Variants in LHX5 observed in about 807,000 individuals in gnomAD.
The protein encoded by LHX5 is LIM/homeobox protein Lhx5.
LHX5 carries 5 observed loss-of-function variants against 30.6 expected under a neutral mutation model. That is an observed-to-expected ratio of 0.16 (90% confidence interval 0.09 to 0.34). The LOEUF is 0.34. Ranked by LOEUF, LHX5 falls within the 10% of genes least tolerant of loss-of-function variation. The pLI, the probability that LHX5 is intolerant of heterozygous loss-of-function variation, is 1.00. For synonymous variants in LHX5, 266 were observed against 252.6 expected, an observed-to-expected ratio of 1.05 and a Z score of -0.50; for missense variants, 458 against 570.6, an observed-to-expected ratio of 0.80 and a Z score of 2.01.
rs1958217628 is a variant in LHX5, at chr12:113,466,780, C to T, written c.841+476G>A. Among the ~76,000 whole-genome samples, 1 of 152,148 alleles carries T rather than the reference C, an allele frequency of 6.6e-6. No individual in the cohort carries two copies. The highest frequency in any genetic ancestry group is 1.5e-5 in the Non-Finnish European group (1 of 68,026). On this transcript the variant is annotated intron_variant, in intron 4 of 4. Coordinates refer to ENST00000261731, the MANE Select transcript of LHX5 (RefSeq NM_022363.3). This position sits in a 1 kb window ranked among gnomAD's most constrained non-coding sequence, Gnocchi z 6.5. ...CTCGGAATCCACCTCATGCCAAGTACACCAGGCACAGGGCGGCAGGAAGGC... is the reference window on the plus strand; with the variant it reads ...CTCGGAATCCACCTCATGCCAAGTATACCAGGCACAGGGCGGCAGGAAGGC...
At chr12:113,470,872 C>T (rs1176361987) in intron 1 of LHX5, among the ~76,000 whole-genome samples, 1 of 152,246 alleles carries the variant, frequency 6.6e-6, no homozygotes, top group Non-Finnish European at 1.5e-5. Context: ...GCTGGGCCCC[C>T]TCTGGAGCTG....
Position 113,463,626 on chromosome 12 carries a change from C to G in LHX5, c.842-69G>C, listed in dbSNP as rs35800617. 5 of 1,439,476 alleles carry G rather than the reference C, an allele frequency of 3.5e-6. No homozygotes were observed. The highest frequency in any genetic ancestry group is 1.5e-5 in the African/African-American group (1 of 68,502). 89.2% of individuals were successfully genotyped at this position (1,439,476 alleles called of 1,614,324 possible). A position where few individuals can be genotyped will look rare whatever the true frequency, so the allele number is the denominator to read the frequency against. On this transcript the variant is annotated intron_variant, in intron 4 of 4. Coordinates refer to ENST00000261731, the MANE Select transcript of LHX5 (RefSeq NM_022363.3). This position sits in a 1 kb window ranked among gnomAD's most constrained non-coding sequence, Gnocchi z 6.7. ...GGCGAAGTAGGCGGGGGACCCGGGA[C>G]CCGGGGAGGGGACCCGGGCGGGCGA...
In LHX5 at chr12:113,469,315, C is replaced by G. The variant is rs1035329225; in HGVS notation, c.204G>C (p.Ala68=). ...CCAGGTCGCTGGGCGAGATGCCTTG[C>G]GCGCAGCCGGCGCATTTCGTGCCAA... is the stretch of plus-strand genomic sequence containing the variant. ...RRFGTKCAGC[A]QGISPSDLVR... Residue 68 remains alanine, a synonymous_variant, in exon 2 of 5, where the codon GCG becomes GCC. Coordinates refer to ENST00000261731, the MANE Select transcript of LHX5 (RefSeq NM_022363.3). The G allele has an allele frequency of 6.2e-7, 1 of 1,613,694 alleles. No homozygotes were observed. Among genetic ancestry groups the G allele is most frequent in the Non-Finnish European group, 8.5e-7 (1 of 1,180,012 alleles).
At position 113,463,290 on chromosome 12, in the gene LHX5, C is replaced by T; in HGVS notation, c.1109G>A (p.Ser370Asn). 6.5e-7 allele frequency: 1 copy of T among 1,529,196 alleles called. No individual in the cohort carries two copies. The highest frequency in any genetic ancestry group is 8.8e-7 in the Non-Finnish European group (1 of 1,141,310). The allele number at this position is 1,529,196 out of a possible 1,614,324, so 94.7% of individuals were successfully genotyped here. ...TGGGAAGGGCGGGCTGGGCCCGCCG[C>T]TGAATACCTCGCCGGGCATGGGGTG... The part of the protein sequence containing the change: ...TLHPMPGEVF[S>N]GGPSPPFPMS... The change falls in exon 5 of 5, where the codon AGC becomes AAC. Residue 370 changes from serine (S) to asparagine (N), a missense_variant. Transcript: ENST00000261731. The surrounding 1 kb of genome is among the most constrained non-coding windows in gnomAD (Gnocchi z 6.7).
rs1276510367 is a variant in LHX5, at chr12:113,466,547, A to T, written c.841+709T>A. On this transcript the variant is annotated intron_variant, in intron 4 of 4. Transcript: ENST00000261731. The surrounding 1 kb of genome is among the most constrained non-coding windows in gnomAD (Gnocchi z 6.5). ...GGGTTGGCCCAACACTTGTGCCCCC[A>T]GTCTGTAGGAACCCCAGGGGTCTCG... Among the ~76,000 whole-genome samples the T allele has an allele frequency of 6.6e-6, 1 of 152,130 alleles. No individual in the cohort carries two copies. Among genetic ancestry groups the T allele is most frequent in the Non-Finnish European group, 1.5e-5 (1 of 68,004 alleles).
intron 2 of LHX5, among the ~76,000 whole-genome samples, chr12:113,468,697 T>C (rs1424484102): frequency 6.6e-6 from 1 of 152,212 alleles, no homozygotes; most frequent in South Asian, 2.1e-4. Context: ...ACTCCCACTT[T>C]CAAGGAGAGG....
At position 113,467,238 on chromosome 12, in the gene LHX5, TC is replaced by T; in HGVS notation, c.841+17del. ...AATAGGACAGGTGCGGAACAGCGAA[TC>T]CCGGGGCGCCCCTTACCTCCGTAGT... On this transcript the variant is annotated intron_variant, in intron 4 of 4. Transcript: ENST00000261731. This position sits in a 1 kb window ranked among gnomAD's most constrained non-coding sequence, Gnocchi z 6.3. The T allele has an allele frequency of 7.0e-7, 1 of 1,431,268 alleles. No individual in the cohort carries two copies. The allele number at this position is 1,431,268 out of a possible 1,614,324, so 88.7% of individuals were successfully genotyped here. A position where few individuals can be genotyped will look rare whatever the true frequency, so the allele number is the denominator to read the frequency against.
intron 2 of LHX5, among the ~76,000 whole-genome samples, chr12:113,468,635 G>T (rs922418732): frequency 6.6e-6 from 1 of 152,320 alleles, no homozygotes; most frequent in South Asian, 2.1e-4. Flanking sequence ...CCCTCTCCGC[G>T]CGTCTCAGCT....
rs149208122 is a variant in LHX5 at position 113,463,961 on chromosome 12, G to A, written c.842-404C>T. Among the ~76,000 whole-genome samples the A allele has an allele frequency of 7.5e-3, 1,135 of 152,252 alleles. 11 individuals carry two copies. Among genetic ancestry groups the A allele is most frequent in the African/African-American group, 0.026 (1,065 of 41,546 alleles). Reference sequence around the variant, plus strand: ...AATGATTCCTAAGTGTCTTAGGGTCGGTGAGAGACACAGAGATGCGGGACA... The same window carrying A: ...AATGATTCCTAAGTGTCTTAGGGTCAGTGAGAGACACAGAGATGCGGGACA... On this transcript the variant is annotated intron_variant, in intron 4 of 4. Transcript: ENST00000261731. The surrounding 1 kb of genome is among the most constrained non-coding windows in gnomAD (Gnocchi z 6.7).
intron 1 of LHX5, among the ~76,000 whole-genome samples, chr12:113,469,844 C>T (rs1375350098): frequency 2.0e-5 from 3 of 152,236 alleles, no homozygotes; most frequent in Non-Finnish European, 2.9e-5. Flanking sequence ...GGGAGCCCTT[C>T]TCCTAGGCTG....
At position 113,463,143 on chromosome 12, in the gene LHX5, C is replaced by CGGGGCGGGGCCCCCGGGGGCCG; in HGVS notation, c.*25_*46dup. On this transcript the variant is annotated 3_prime_UTR_variant, in exon 5 of 5. Coordinates refer to ENST00000261731, the MANE Select transcript of LHX5 (RefSeq NM_022363.3). This position sits in a 1 kb window ranked among gnomAD's most constrained non-coding sequence, Gnocchi z 6.7. ...GCGTTTTGGTTTCAGGAGGCTGCTT[C>CGGGGCGGGGCCCCCGGGGGCCG]GGGGCGGGGCCCCCGGGGGCCGAGC... 1 of 1,441,890 alleles carries CGGGGCGGGGCCCCCGGGGGCCG rather than the reference C, an allele frequency of 6.9e-7. No individual in the cohort carries two copies. The highest frequency in any genetic ancestry group is 9.0e-7 in the Non-Finnish European group (1 of 1,105,380). 89.3% of individuals were successfully genotyped at this position (1,441,890 alleles called of 1,614,324 possible).
Position 113,471,666 on chromosome 12 carries a change from G to C in LHX5, c.-168C>G. The C allele has an allele frequency of 3.0e-6, 2 of 663,456 alleles. No individual in the cohort carries two copies. Among genetic ancestry groups the C allele is most frequent in the Non-Finnish European group, 4.9e-6 (2 of 407,860 alleles). 41.1% of individuals were successfully genotyped at this position (663,456 alleles called of 1,614,324 possible). A position where few individuals can be genotyped will look rare whatever the true frequency, so the allele number is the denominator to read the frequency against. ...CAGTCCTTGGGCAATCTCTGGCCTG[G>C]CGCTGGGCTGCCCGGAGTGGGGTGG... On this transcript the variant is annotated 5_prime_UTR_variant, in exon 1 of 5. Transcript: ENST00000261731.
intron 1 of LHX5, among the ~76,000 whole-genome samples, chr12:113,470,316 G>T (rs996771231): frequency 5.9e-5 from 9 of 152,170 alleles, no homozygotes; most frequent in African/African-American, 2.2e-4. Flanking sequence ...GGCATTAGAA[G>T]CCATAAGTCA....
At chr12:113,469,398 C>T in intron 1 of LHX5, 53 bp from the exon 2 acceptor site, 1 of 1,540,194 alleles carries the variant, frequency 6.5e-7, no homozygotes, top group South Asian at 1.2e-5. Flanking sequence ...CCAGCCCTCC[C>T]CAGCCCCTGA....
In LHX5 at chr12:113,463,160, G is replaced by A; in HGVS notation, c.*30C>T. The A allele has an allele frequency of 6.8e-7, 1 of 1,471,850 alleles. No individual in the cohort carries two copies. The highest frequency in any genetic ancestry group is 1.3e-5 in the South Asian group (1 of 75,924). 91.2% of individuals were successfully genotyped at this position (1,471,850 alleles called of 1,614,324 possible). A position where few individuals can be genotyped will look rare whatever the true frequency, so the allele number is the denominator to read the frequency against. On this transcript the variant is annotated 3_prime_UTR_variant, in exon 5 of 5. Coordinates refer to ENST00000261731, the MANE Select transcript of LHX5 (RefSeq NM_022363.3). The surrounding 1 kb of genome is among the most constrained non-coding windows in gnomAD (Gnocchi z 6.7). ...GGCTGCTTCGGGGCGGGGCCCCCGG[G>A]GGCCGAGCGCGGGGGGCGGCCCGGC...
At position 113,467,748 on chromosome 12, in the gene LHX5, C is replaced by T. The variant is rs1489459757; in HGVS notation, c.676-327G>A. Among the ~76,000 whole-genome samples, 1 of 152,242 alleles carries T rather than the reference C, an allele frequency of 6.6e-6. No individual in the cohort carries two copies. The highest frequency in any genetic ancestry group is 2.4e-5 in the African/African-American group (1 of 41,476). On this transcript the variant is annotated intron_variant, in intron 3 of 4. Coordinates refer to ENST00000261731, the MANE Select transcript of LHX5 (RefSeq NM_022363.3). This position sits in a 1 kb window ranked among gnomAD's most constrained non-coding sequence, Gnocchi z 6.3. ...TCGGCCCCTCGGCTCCGGAGCCAGC[C>T]TCTGGCCGTTTGTCTGCCCGCGCTT... is the stretch of plus-strand genomic sequence containing the variant.
Position 113,467,385 on chromosome 12 carries a change from T to C in LHX5, c.712A>G (p.Met238Val). 6.3e-7 allele frequency: 1 copy of C among 1,579,292 alleles called. No individual in the cohort carries two copies. Among genetic ancestry groups the C allele is most frequent in the Non-Finnish European group, 8.6e-7 (1 of 1,157,436 alleles). ...FQNRRSKERR[M>V]KQLSALGARR... ...GCGCCTAGGGCGCTCAGCTGTTTCA[T>C]CCGGCGTTCTTTGGACCGTCGGTTC... Residue 238 changes from methionine (M) to valine (V), a missense_variant, in exon 4 of 5, where the codon ATG becomes GTG. By Grantham distance (21) the Met-to-Val change is conservative. Around this residue, in one of 3 missense-constraint regions of LHX5, gnomAD observed 255 missense variants for 246.8 expected, o/e 1.03. Transcript: ENST00000261731. This position sits in a 1 kb window ranked among gnomAD's most constrained non-coding sequence, Gnocchi z 6.3.
rs577830894 is a variant in LHX5, at chr12:113,466,052, G to C, written c.841+1204C>G. Among the ~76,000 whole-genome samples, 30 of 152,228 alleles carry C rather than the reference G, an allele frequency of 2.0e-4. No homozygotes were observed. Among genetic ancestry groups the C allele is most frequent in the Non-Finnish European group, 4.1e-4 (28 of 68,042 alleles). Reference sequence around the variant, plus strand: ...CCCTCAGGCTTCCGGATGTGCTGAGGTTAGTGATGGGGTTATCTTCCCTTC... The same window carrying C: ...CCCTCAGGCTTCCGGATGTGCTGAGCTTAGTGATGGGGTTATCTTCCCTTC... On this transcript the variant is annotated intron_variant, in intron 4 of 4. Transcript: ENST00000261731. This position sits in a 1 kb window ranked among gnomAD's most constrained non-coding sequence, Gnocchi z 6.5.
chr12:113,462,083 ATTT>A lies in LHX5; in HGVS notation c.*1104_*1106del, dbSNP rs71443037. 2 of 151,806 alleles carry A rather than the reference ATTT, an allele frequency of 1.3e-5. No individual in the cohort carries two copies. The highest frequency in any genetic ancestry group is 2.9e-5 in the Non-Finnish European group (2 of 67,888). 9.4% of individuals were successfully genotyped at this position (151,806 alleles called of 1,614,324 possible). ...TAATCTTTCTCTTTAAAAAAAGTTG[ATTT>A]TTTTTGTTTTTGTTTTTTGTTTTTT... On this transcript the variant is annotated 3_prime_UTR_variant, in exon 5 of 5. Coordinates refer to ENST00000261731, the MANE Select transcript of LHX5 (RefSeq NM_022363.3).
Sources: allele counts gnomAD v4.1 joint callset (sites outside exome capture counted in the v4.1 genomes callset), GRCh38; gene constraint gnomAD v4.1.1; regional missense constraint gnomAD v4.1.1; non-coding constraint Gnocchi (gnomAD v3.1); transcripts MANE v1.5; gene names NCBI Gene and HGNC (gene_info 2026-07-23, HGNC 2026-07-21).